CFAP20DC: variants seen among roughly 807,000 people sequenced by gnomAD.
CFAP20DC encodes the protein CFAP20 domain containing, also known as protein CFAP20DC.
Under a neutral mutation model 101.7 loss-of-function variants are expected in CFAP20DC, and 84 were observed. That is an observed-to-expected ratio of 0.83 (90% CI 0.69 to 0.99). CFAP20DC has a LOEUF of 0.99. Among genes scored for constraint, CFAP20DC ranks in the 50% least tolerant of loss-of-function variants. CFAP20DC has a pLI of 0.00. For missense variants in CFAP20DC, 1,007 were observed against 970.3 expected (o/e 1.04, Z -0.50); for synonymous variants, 359 against 351.2 (o/e 1.02, Z -0.25).
At chr3:58,958,517 G>T (rs1393106786) in intron 4 of CFAP20DC, among the ~76,000 whole-genome samples, 1 of 152,112 alleles carries the variant, frequency 6.6e-6, no homozygotes, top group African/African-American at 2.4e-5. Context: ...ATGTGGACAC[G>T]TTTTCACTGT....
chr3:58,743,748 A>G (rs1050836226), intron 16 of CFAP20DC, among the ~76,000 whole-genome samples: 4 of 152,196 alleles, frequency 2.6e-5, no homozygotes, highest in Admixed American at 1.3e-4. Context: ...GTGGGGTTCC[A>G]TCTTACTCAG....
intron 12 of CFAP20DC, among the ~76,000 whole-genome samples, chr3:58,856,784 T>C (rs1333910671): frequency 2.6e-5 from 4 of 152,232 alleles, no homozygotes; most frequent in African/African-American, 9.6e-5. Context: ...TAAGATGGTA[T>C]TGGTAGAACT....
chr3:58,822,478 C>G (rs1176298837), intron 14 of CFAP20DC, among the ~76,000 whole-genome samples: 1 of 150,574 alleles, frequency 6.6e-6, no homozygotes, highest in East Asian at 2.0e-4. Flanking sequence ...AGGAGATATA[C>G]CTAATGCTAG....
rs936486208 is a variant in CFAP20DC at position 59,049,599 on chromosome 3, G to A, written c.21+12C>T. 6.5e-7 allele frequency: 1 copy of A among 1,535,974 alleles called. No individual in the cohort carries two copies. The highest frequency in any genetic ancestry group is 1.4e-5 in the African/African-American group (1 of 73,166). ...AAAGGTATAGACAGGTTGGAGAACC[G>A]TTTCGGGTTACCTGGTACTCATTTT... On this transcript the variant is annotated intron_variant, in intron 1 of 16. Coordinates refer to ENST00000482387, the MANE Select transcript of CFAP20DC (RefSeq NM_001394063.1).
At chr3:58,781,335 CAAATA>C (rs1399145104) in intron 15 of CFAP20DC, among the ~76,000 whole-genome samples, 1 of 151,470 alleles carries the variant, frequency 6.6e-6, no homozygotes, top group African/African-American at 2.4e-5. Context: ...AAAAAAGTAG[CAAATA>C]AAATAAAAGT....
At chr3:58,841,964 A>C (rs1296659378) in intron 13 of CFAP20DC, among the ~76,000 whole-genome samples, 1 of 152,218 alleles carries the variant, frequency 6.6e-6, no homozygotes, top group Non-Finnish European at 1.5e-5. Context: ...ACGTGCGAAA[A>C]AGTTTAATTA....
intron 4 of CFAP20DC, among the ~76,000 whole-genome samples, chr3:59,010,630 C>T (rs533745056): frequency 1.1e-3 from 163 of 152,310 alleles, no homozygotes; most frequent in African/African-American, 3.8e-3. Context: ...TAATACTCCA[C>T]TGACAACATT....
intron 13 of CFAP20DC, among the ~76,000 whole-genome samples, chr3:58,848,221 A>G (rs549027360): frequency 6.6e-6 from 1 of 152,230 alleles, no homozygotes; most frequent in South Asian, 2.1e-4. Context: ...TGTTCACAAA[A>G]TATTAGCTAC....
At chr3:58,906,465 A>G (rs187866655) in intron 6 of CFAP20DC, among the ~76,000 whole-genome samples, 63 of 152,274 alleles carry the variant, frequency 4.1e-4, no homozygotes, top group African/African-American at 1.5e-3. Flanking sequence ...GCAATATTGT[A>G]TTATACCTTC....
intron 4 of CFAP20DC, among the ~76,000 whole-genome samples, chr3:59,027,872 AAAAT>A (rs2093920825): frequency 6.6e-6 from 1 of 152,340 alleles, no homozygotes; most frequent in African/African-American, 2.4e-5. Flanking sequence ...TACCAAAAAT[AAAAT>A]AAATGTTAAA....
At chr3:58,856,037 A>C (rs186875069) in intron 12 of CFAP20DC, among the ~76,000 whole-genome samples, 5 of 151,604 alleles carry the variant, frequency 3.3e-5, no homozygotes, top group Admixed American at 2.0e-4. Context: ...AGGAAAAAAA[A>C]CTTCAAAATA....
intron 16 of CFAP20DC, among the ~76,000 whole-genome samples, chr3:58,746,989 G>A (rs924252274): frequency 6.6e-6 from 1 of 152,012 alleles, no homozygotes; most frequent in African/African-American, 2.4e-5. Context: ...ATGGGTATGG[G>A]GTAATTTTCA....
At chr3:58,890,883 C>T (rs1372638688) in intron 6 of CFAP20DC, among the ~76,000 whole-genome samples, 6 of 148,152 alleles carry the variant, frequency 4.0e-5, no homozygotes, top group African/African-American at 5.1e-5. Flanking sequence ...TGGGAAGAGG[C>T]GCTCCTCACT....
chr3:58,814,024 G>A (rs1255558290), intron 14 of CFAP20DC, among the ~76,000 whole-genome samples: 2 of 151,838 alleles, frequency 1.3e-5, no homozygotes, highest in Non-Finnish European at 2.9e-5. Context: ...ACTCACACTG[G>A]TATAGAAATA....
downstream of CFAP20DC, among the ~76,000 whole-genome samples, chr3:58,740,408 G>A (rs771492528): frequency 3.3e-5 from 5 of 152,142 alleles, no homozygotes; most frequent in Non-Finnish European, 7.4e-5. This position sits in a 1 kb window ranked among gnomAD's most constrained non-coding sequence, Gnocchi z 4.6. Context: ...ACCTGAGGCA[G>A]AAAAAAGTGG....
At position 58,892,870 on chromosome 3, in the gene CFAP20DC, G is replaced by A. The variant is rs2082364383; in HGVS notation, c.551-8161C>T. Among the ~76,000 whole-genome samples the A allele has an allele frequency of 6.6e-6, 1 of 151,996 alleles. No individual in the cohort carries two copies. The highest frequency in any genetic ancestry group is 6.5e-5 in the Admixed American group (1 of 15,268). ...TCGCCAGAACTTCCAATACTATATT[G>A]CATAGGAGTGGTGAGAGAGGGCATT... On this transcript the variant is annotated intron_variant, in intron 6 of 16. Coordinates refer to ENST00000482387, the MANE Select transcript of CFAP20DC (RefSeq NM_001394063.1). The surrounding 1 kb of genome is among the most constrained non-coding windows in gnomAD (Gnocchi z 4.0).
chr3:59,008,780 C>T (rs2093505022), intron 4 of CFAP20DC, among the ~76,000 whole-genome samples: 1 of 151,886 alleles, frequency 6.6e-6, no homozygotes, highest in Non-Finnish European at 1.5e-5. Flanking sequence ...TTAATGGGTG[C>T]AGCACACCAA....
Position 58,866,576 on chromosome 3 carries a change from A to T in CFAP20DC, c.1248T>A (p.Pro416=). ...AATAAAGATGCCAACCTGATTGATC[A>T]GGAGACTGGGGTCCTAGAGTGCCGG... ...LNSGTLGPQS[P]DQSDEWIFPE... is the part of the protein sequence containing the mutation. Residue 416 remains proline, a synonymous_variant, in exon 11 of 17, where the codon CCT becomes CCA. Transcript: ENST00000482387. 6.2e-7 allele frequency: 1 copy of T among 1,610,322 alleles called. No homozygotes were observed. Among genetic ancestry groups the T allele is most frequent in the Non-Finnish European group, 8.5e-7 (1 of 1,178,492 alleles).
At chr3:58,720,530 C>T (rs2067457174) in intron 3 of CFAP20DC, among the ~76,000 whole-genome samples, 1 of 152,170 alleles carries the variant, frequency 6.6e-6, no homozygotes, top group African/African-American at 2.4e-5. Context: ...CTGGGTGGAA[C>T]AGGCGGAAGA....
Sources: allele counts gnomAD v4.1 joint callset (sites outside exome capture counted in the v4.1 genomes callset), GRCh38; gene constraint gnomAD v4.1.1; non-coding constraint Gnocchi (gnomAD v3.1); transcripts MANE v1.5; gene names NCBI Gene and HGNC (gene_info 2026-07-23, HGNC 2026-07-21).